Variants in NALCN observed in about 807,000 individuals in gnomAD.
NALCN encodes the protein sodium leak channel, non-selective.
NALCN carries 111 observed loss-of-function variants against 225.3 expected under a neutral mutation model. The ratio of observed to expected loss-of-function variants is 0.49; its 90% confidence interval spans 0.42 to 0.58. The LOEUF is 0.58. NALCN is among the 20% of genes least tolerant of loss of function. The pLI is 0.00. For missense variants in NALCN, 1,378 were observed against 2,202.4 expected (o/e 0.63, Z 7.49); for synonymous variants, 764 against 769.0 (o/e 0.99, Z 0.11).
Position 101,156,184 on chromosome 13 carries a change from G to A in NALCN, c.1840-11288C>T, listed in dbSNP as rs7319780. On this transcript the variant is annotated intron_variant, in intron 15 of 43. Coordinates refer to ENST00000251127, the MANE Select transcript of NALCN (RefSeq NM_052867.4). ...ATACTTCTATCTATTTTGTTTGTTT[G>A]TTTGTTTGCTTGTTTGTTTTTTCCT... 7.3e-3 allele frequency among the ~76,000 whole-genome samples: 1,104 copies of A among 152,130 alleles called. 14 individuals carry two copies. The highest frequency in any genetic ancestry group is 0.025 in the African/African-American group (1,039 of 41,530).
chr13:101,176,450 C>T lies in NALCN; in HGVS notation c.1765-76G>A, dbSNP rs573161343. ...AAATATTATATGTATAATATAGCTA[C>T]CTAAAATATATTGAGTATATAATTC... On this transcript the variant is annotated intron_variant, in intron 14 of 43. Coordinates refer to ENST00000251127, the MANE Select transcript of NALCN (RefSeq NM_052867.4). The T allele has an allele frequency of 3.9e-6, 4 of 1,016,158 alleles. No individual in the cohort carries two copies. In the African/African-American group the frequency reaches 5.1e-5, roughly 13 times the overall value. 62.9% of individuals were successfully genotyped at this position (1,016,158 alleles called of 1,614,324 possible). A position where few individuals can be genotyped will look rare whatever the true frequency, so the allele number is the denominator to read the frequency against.
intron 6 of NALCN, among the ~76,000 whole-genome samples, chr13:101,355,001 AAT>A (rs1450100126): frequency 1.3e-5 from 2 of 152,210 alleles, no homozygotes; most frequent in African/African-American, 4.8e-5. Context: ...CTAGGTGATC[AAT>A]GAGCTCCTGC....
chr13:101,376,988 C>T lies in NALCN; in HGVS notation c.444G>A (p.Leu148=), dbSNP rs1260179546. The change falls in exon 5 of 44, where the codon CTG becomes CTA. Residue 148 remains leucine (L), a synonymous_variant. Coordinates refer to ENST00000251127, the MANE Select transcript of NALCN (RefSeq NM_052867.4). ...AAATCCGGAATGCTCGGATCATAAT[C>T]AGTGGCCGTGGAATCCGCAACATGC... ...PWGMLRIPRP[L]IMIRAFRIYF... is the part of the protein sequence containing the mutation. 2 of 1,614,048 alleles carry T rather than the reference C, an allele frequency of 1.2e-6. No individual in the cohort carries two copies. The highest frequency in any genetic ancestry group is 2.7e-5 in the African/African-American group (2 of 74,914).
intron 10 of NALCN, among the ~76,000 whole-genome samples, chr13:101,277,531 T>C (rs970586459): frequency 1.3e-5 from 2 of 152,184 alleles, no homozygotes; most frequent in South Asian, 2.1e-4. Flanking sequence ...AGTAACATAA[T>C]GAGAAAACTA....
At chr13:101,343,054 T>G (rs1367630677) in intron 7 of NALCN, among the ~76,000 whole-genome samples, 1 of 152,164 alleles carries the variant, frequency 6.6e-6, no homozygotes, top group Non-Finnish European at 1.5e-5. Flanking sequence ...ATTAGGCACC[T>G]AATTATGTTT....
intron 6 of NALCN, among the ~76,000 whole-genome samples, chr13:101,357,849 T>C (rs146253325): frequency 0.032 from 4,899 of 152,030 alleles, 266 homozygotes; most frequent in African/African-American, 0.11. Context: ...TATAGACCAA[T>C]GGAACAGAAC....
chr13:101,076,946 T>C (rs905419342), intron 34 of NALCN, among the ~76,000 whole-genome samples: 1 of 152,216 alleles, frequency 6.6e-6, no homozygotes, highest in Non-Finnish European at 1.5e-5. Context: ...TGGATTGTAG[T>C]TCCCATAATC....
intron 17 of NALCN, among the ~76,000 whole-genome samples, chr13:101,141,008 T>G (rs375588670): frequency 7.6e-4 from 115 of 152,202 alleles, no homozygotes; most frequent in Middle Eastern, 3.4e-3. Context: ...CCTTTAAGGA[T>G]AGTTAAGGGT....
intron 13 of NALCN, among the ~76,000 whole-genome samples, chr13:101,197,075 G>C (rs778743432): frequency 2.6e-5 from 4 of 152,128 alleles, no homozygotes; most frequent in African/African-American, 9.7e-5. Flanking sequence ...GTGAGATCTA[G>C]TGGATTATTT....
chr13:101,098,653 T>C (rs2034643837), intron 27 of NALCN, among the ~76,000 whole-genome samples: 2 of 152,220 alleles, frequency 1.3e-5, no homozygotes, highest in Non-Finnish European at 2.9e-5. Context: ...AGGAACTGTG[T>C]GTGATCTAAA....
intron 39 of NALCN, among the ~76,000 whole-genome samples, chr13:101,067,477 C>T (rs139803471): frequency 7.2e-5 from 11 of 152,262 alleles, no homozygotes; most frequent in African/African-American, 2.4e-4. Flanking sequence ...TTAAAACATT[C>T]AAGTAGTAAC....
intron 7 of NALCN, among the ~76,000 whole-genome samples, chr13:101,324,981 A>G (rs902996883): frequency 3.3e-5 from 5 of 152,122 alleles, no homozygotes; most frequent in Non-Finnish European, 7.3e-5. Context: ...AGTTTTTAGC[A>G]TGAAGGGCTG....
chr13:101,290,630 A>T (rs187967794), intron 9 of NALCN, among the ~76,000 whole-genome samples: 2 of 152,350 alleles, frequency 1.3e-5, no homozygotes, highest in African/African-American at 4.8e-5. Flanking sequence ...TAATGAATTG[A>T]CTGGACAATT....
At chr13:101,322,745 CT>C (rs2044792986) in intron 7 of NALCN, among the ~76,000 whole-genome samples, 1 of 152,124 alleles carries the variant, frequency 6.6e-6, no homozygotes, top group Non-Finnish European at 1.5e-5. Flanking sequence ...CAGAGTCTCA[CT>C]CTGTCGCCCA....
chr13:101,312,691 T>A (rs968631690), intron 7 of NALCN, among the ~76,000 whole-genome samples: 50 of 152,204 alleles, frequency 3.3e-4, no homozygotes, highest in African/African-American at 1.2e-3. Context: ...TTCTTAATCC[T>A]GAGTTCTAGT....
intron 14 of NALCN, among the ~76,000 whole-genome samples, chr13:101,178,867 T>C (rs2039072808): frequency 6.6e-6 from 1 of 152,202 alleles, no homozygotes; most frequent in African/African-American, 2.4e-5. Flanking sequence ...TTTAGCAGAT[T>C]GCCAGTGATG....
chr13:101,360,189 C>CCTCTCTCTCTCTCTCTCTCTCTCTCT (rs759523803), intron 6 of NALCN, among the ~76,000 whole-genome samples: 4 of 89,240 alleles, frequency 4.5e-5, no homozygotes, highest in Non-Finnish European at 9.2e-5. Flanking sequence ...TTCCTCTCTT[C>CCTCTCTCTCTCTCTCTCTCTCTCTCT]CTCTCTCTCT....
chr13:101,416,175 C>G (rs1229870888), intron 1 of NALCN, 138 bp downstream of exon 1: 3 of 152,400 alleles, frequency 2.0e-5, no homozygotes, highest in Non-Finnish European at 2.9e-5. Flanking sequence ...CTAGCAGCCC[C>G]TCTCGCAGCC....
chr13:101,400,544 AGTGTGTGT>A (rs376844190), intron 1 of NALCN, among the ~76,000 whole-genome samples: 5,984 of 135,178 alleles, frequency 0.044, 216 homozygotes, highest in African/African-American at 0.1. Flanking sequence ...ACATGTTTGC[AGTGTGTGT>A]GTGTGTGTGT....
Sources: gnomAD v4.1 joint callset for allele counts (sites outside exome capture counted in the v4.1 genomes callset) on GRCh38, gnomAD v4.1.1 for gene constraint, MANE v1.5 for transcripts, NCBI Gene and HGNC (gene_info 2026-07-23, HGNC 2026-07-21) for gene names.